The following DIXDC1 variants were observed in gnomAD, a reference collection of about 807,000 sequenced individuals.
DIXDC1 encodes the protein dixin.
DIXDC1 carries 64 observed loss-of-function variants against 103.1 expected under a neutral mutation model. The ratio of observed to expected loss-of-function variants is 0.62; its 90% CI spans 0.51 to 0.76. The LOEUF is 0.76. Ranked by LOEUF, DIXDC1 falls within the 30% of genes least tolerant of loss-of-function variation. The pLI, the probability that DIXDC1 is intolerant of heterozygous loss-of-function variation, is 0.00. For synonymous variants in DIXDC1, 266 were observed against 298.5 expected (o/e 0.89, Z 1.12); for missense variants, 759 against 834.2 (o/e 0.91, Z 1.11).
At chr11:111,960,466 C>T (rs587597739) in intron 1 of DIXDC1, among the ~76,000 whole-genome samples, 12 of 151,154 alleles carry the variant, frequency 7.9e-5, no homozygotes, top group South Asian at 2.1e-4. Flanking sequence ...TGGTGGCTGG[C>T]GCCTGTAATC....
At chr11:111,994,931 A>G (rs1367024925) in intron 14 of DIXDC1, 88 bp from the exon 15 acceptor site, 2 of 1,151,462 alleles carry the variant, frequency 1.7e-6, no homozygotes, top group African/African-American at 3.1e-5. Flanking sequence ...TTCATCAGGA[A>G]GTGATAAATG....
chr11:111,981,100 A>G (rs1265215024), intron 6 of DIXDC1, among the ~76,000 whole-genome samples: 1 of 150,480 alleles, frequency 6.6e-6, no homozygotes, highest in Non-Finnish European at 1.5e-5. Context: ...CTGGCTGCCT[A>G]TGAATTAGGA....
At chr11:111,961,073 A>G (rs782356466) in intron 1 of DIXDC1, among the ~76,000 whole-genome samples, 5 of 152,200 alleles carry the variant, frequency 3.3e-5, no homozygotes, top group African/African-American at 4.8e-5. Flanking sequence ...AATCACCAGG[A>G]GAGCTTGTTA....
chr11:111,950,439 T>TATATATATA (rs61541869), intron 1 of DIXDC1, among the ~76,000 whole-genome samples: 1 of 9,496 alleles, frequency 1.1e-4, no homozygotes, highest in African/African-American at 4.0e-4. Flanking sequence ...TATATATATA[T>TATATATATA]TTTTTTTTTT....
intron 5 of DIXDC1, 29 bp from the exon 6 acceptor site, chr11:111,980,708 C>A (rs587681755): frequency 6.4e-7 from 1 of 1,569,216 alleles, no homozygotes; most frequent in South Asian, 1.1e-5. Context: ...TCATAATAAT[C>A]GTTTTTCTTC....
rs1432404430 is a variant in DIXDC1 at position 111,950,769 on chromosome 11, A to G, written c.60+13210A>G. ...CTGTGCCCAACCAGTAGGTGTATATATTTATGGGGTACATGAGGTATTGTG... is the reference window on the plus strand; with the variant it reads ...CTGTGCCCAACCAGTAGGTGTATATGTTTATGGGGTACATGAGGTATTGTG... On this transcript the variant is annotated intron_variant, in intron 1 of 19. Coordinates refer to ENST00000440460, the MANE Select transcript of DIXDC1 (RefSeq NM_001037954.4). Among the ~76,000 whole-genome samples, 23 of 152,058 alleles carry G rather than the reference A, an allele frequency of 1.5e-4. 1 individual carries two copies. The highest frequency in any genetic ancestry group is 1.5e-3 in the Admixed American group (23 of 15,236).
chr11:112,003,407 A>G (rs1555176206), intron 17 of DIXDC1, among the ~76,000 whole-genome samples: 1 of 152,166 alleles, frequency 6.6e-6, no homozygotes, highest in African/African-American at 2.4e-5. Flanking sequence ...AGATCGCACC[A>G]CTGCACTCCA....
In DIXDC1 at chr11:111,930,849, CTTTTT is replaced by C. The variant is rs782075106; in HGVS notation, c.57+956_57+960del. ...CCTCCTTTCTTTCTTTCTTTCTTTCCTTTTTTTTTTTTTTTTTTTTTGAGATGGAG... is the reference window on the plus strand; with the variant it reads ...CCTCCTTTCTTTCTTTCTTTCTTTCCTTTTTTTTTTTTTTTTGAGATGGAG... On this transcript the variant is annotated intron_variant, in intron 2 of 5. Transcript: ENST00000529225. Among the ~76,000 whole-genome samples the C allele has an allele frequency of 3.4e-5, 4 of 116,824 alleles. 1 individual carries two copies. The highest frequency in any genetic ancestry group is 2.6e-4 in the South Asian group (1 of 3,866). 76.6% of individuals were successfully genotyped at this position (116,824 alleles called of 152,430 possible). A position where few individuals can be genotyped will look rare whatever the true frequency, so the allele number is the denominator to read the frequency against.
intron 17 of DIXDC1, among the ~76,000 whole-genome samples, chr11:112,007,160 G>A (rs782283709): frequency 1.6e-4 from 25 of 152,288 alleles, no homozygotes; most frequent in African/African-American, 3.1e-4. Flanking sequence ...TGTGATGCAC[G>A]CACAAGCTTC....
Position 111,977,807 on chromosome 11 carries a change from C to T in DIXDC1, c.656+2824C>T, listed in dbSNP as rs1555172826. ...CGCAAGTCAAATGGTGAGCTGAAGC[C>T]ACTCTGGCTTTGGAAGTGGGGGGCC... On this transcript the variant is annotated intron_variant, in intron 5 of 19. Coordinates refer to ENST00000440460, the MANE Select transcript of DIXDC1 (RefSeq NM_001037954.4). The surrounding 1 kb of genome is among the most constrained non-coding windows in gnomAD (Gnocchi z 6.1). 1.3e-6 allele frequency: 2 copies of T among 1,555,720 alleles called. No homozygotes were observed. Among genetic ancestry groups the T allele is most frequent in the East Asian group, 2.5e-5 (1 of 40,356 alleles).
At chr11:111,989,624 GGAA>G (rs1566539605) in intron 10 of DIXDC1, among the ~76,000 whole-genome samples, 3 of 49,454 alleles carry the variant, frequency 6.1e-5, no homozygotes. Flanking sequence ...ACTCCGTCTC[GGAA>G]AAAAAAAAAA....
chr11:111,941,874 C>CA (rs1555168899), intron 1 of DIXDC1, among the ~76,000 whole-genome samples: 2 of 112,882 alleles, frequency 1.8e-5, no homozygotes, highest in African/African-American at 3.7e-5. Context: ...ACACACACAC[C>CA]CACGAAGAGT....
At chr11:111,985,390 T>C in intron 8 of DIXDC1, 69 bp downstream of exon 8, 2 of 1,209,054 alleles carry the variant, frequency 1.7e-6, no homozygotes, top group Admixed American at 2.3e-5. Context: ...CATTTGACAC[T>C]GCTGTTCATG....
At chr11:112,018,035 T>A in intron 19 of DIXDC1, 150 bp downstream of exon 19, 1 of 539,570 alleles carries the variant, frequency 1.9e-6, no homozygotes, top group Non-Finnish European at 3.3e-6. Context: ...CTGATTACTC[T>A]AGACAAGTGG....
At chr11:111,935,660 C>T (rs1301295379), upstream of DIXDC1, among the ~76,000 whole-genome samples, 1 of 152,210 alleles carries the variant, frequency 6.6e-6, no homozygotes, top group African/African-American at 2.4e-5. Flanking sequence ...GTTGAATTGA[C>T]ATGGGTTAGT....
Position 111,994,397 on chromosome 11 carries a change from A to C in DIXDC1, c.1438-622A>C, listed in dbSNP as rs186271516. ...ATCAAAAAACAAAACAAAACAAAACATACATATATATATATATTCATACAT... is the reference window on the plus strand; with the variant it reads ...ATCAAAAAACAAAACAAAACAAAACCTACATATATATATATATTCATACAT... On this transcript the variant is annotated intron_variant, in intron 14 of 19. Transcript: ENST00000440460. Among the ~76,000 whole-genome samples, 8 of 150,464 alleles carry C rather than the reference A, an allele frequency of 5.3e-5. No individual in the cohort carries two copies. In the East Asian group the frequency reaches 1.5e-3, roughly 29 times the overall value.
In DIXDC1 at chr11:112,017,947, T is replaced by G; in HGVS notation, c.1971+62T>G. On this transcript the variant is annotated intron_variant, in intron 19 of 19. Transcript: ENST00000440460. The surrounding 1 kb of genome is among the most constrained non-coding windows in gnomAD (Gnocchi z 4.0). ...GTCCTTTCTGAACCCTGAAGCCTCC[T>G]GTTCAAGCACTAGTGTCCAGAAGTA... 1 of 1,356,196 alleles carries G rather than the reference T, an allele frequency of 7.4e-7. No individual in the cohort carries two copies. The highest frequency in any genetic ancestry group is 2.5e-5 in the East Asian group (1 of 39,394). 84.0% of individuals were successfully genotyped at this position (1,356,196 alleles called of 1,614,324 possible).
intron 17 of DIXDC1, among the ~76,000 whole-genome samples, chr11:112,004,433 G>A (rs1861171802): frequency 6.6e-6 from 1 of 152,142 alleles, no homozygotes; most frequent in African/African-American, 2.4e-5. Flanking sequence ...CAGCTAGTGG[G>A]GATGGAAAGG....
chr11:111,941,271 A>G (rs1966406435), intron 1 of DIXDC1, among the ~76,000 whole-genome samples: 2 of 152,116 alleles, frequency 1.3e-5, no homozygotes, highest in African/African-American at 4.8e-5. Flanking sequence ...CAAACTTGGG[A>G]AAATTGAGGT....
Sources: allele counts gnomAD v4.1 joint callset (sites outside exome capture counted in the v4.1 genomes callset), GRCh38; gene constraint gnomAD v4.1.1; non-coding constraint Gnocchi (gnomAD v3.1); transcripts MANE v1.5; gene names NCBI Gene and HGNC (gene_info 2026-07-23, HGNC 2026-07-21).